ANO6: variants seen among roughly 807,000 people sequenced by gnomAD.
ANO6 encodes anoctamin 6.
A neutral mutation model predicts 117.5 loss-of-function variants in ANO6; 106 were observed. That is an observed-to-expected ratio of 0.90 (90% CI 0.77 to 1.06). ANO6 has a LOEUF of 1.06. Ranked by LOEUF, ANO6 falls within the 50% of genes least tolerant of loss-of-function variation. The pLI is 0.00. For synonymous variants in ANO6, 367 were observed against 385.1 expected (o/e 0.95, Z 0.55); for missense variants, 955 against 1,121.1 (o/e 0.85, Z 2.12).
chr12:45,364,111 A>G (rs1941624661), intron 8 of ANO6, among the ~76,000 whole-genome samples: 1 of 152,202 alleles, frequency 6.6e-6, no homozygotes, highest in African/African-American at 2.4e-5. Context: ...CACTTTGAAT[A>G]TATCATCCCA....
chr12:45,330,751 C>T (rs1940634507), intron 2 of ANO6, among the ~76,000 whole-genome samples: 1 of 152,026 alleles, frequency 6.6e-6, no homozygotes, highest in African/African-American at 2.4e-5. Flanking sequence ...ATGACTAGTG[C>T]AGCTTTTGTT....
At chr12:45,300,156 A>G (rs184038997) in intron 1 of ANO6, among the ~76,000 whole-genome samples, 1 of 152,258 alleles carries the variant, frequency 6.6e-6, no homozygotes, top group East Asian at 1.9e-4. Context: ...GCCGAGATAA[A>G]TCACACACAA....
chr12:45,418,955 G>A (rs1375677931), intron 17 of ANO6, among the ~76,000 whole-genome samples: 3 of 152,174 alleles, frequency 2.0e-5, no homozygotes, highest in Non-Finnish European at 2.9e-5. Flanking sequence ...GTGTGCTTGT[G>A]CAAGCATTAA....
intron 1 of ANO6, chr12:45,256,672 A>G (rs967497459): frequency 1.3e-5 from 2 of 152,210 alleles, no homozygotes; most frequent in Non-Finnish European, 2.9e-5. Context: ...ATTTATTATA[A>G]AGCATATTAA....
chr12:45,355,930 C>G (rs559474000), intron 7 of ANO6, among the ~76,000 whole-genome samples: 1 of 152,174 alleles, frequency 6.6e-6, no homozygotes, highest in South Asian at 2.1e-4. Context: ...TGAAGTCTCA[C>G]GTAGGCCTCA....
intron 3 of ANO6, among the ~76,000 whole-genome samples, chr12:45,336,228 C>A (rs914708649): frequency 1.3e-5 from 2 of 151,902 alleles, no homozygotes; most frequent in African/African-American, 2.4e-5. Flanking sequence ...TTTCTTATAT[C>A]TATTGAGGTG....
At chr12:45,301,372 G>A (rs369294769) in intron 1 of ANO6, among the ~76,000 whole-genome samples, 15 of 152,006 alleles carry the variant, frequency 9.9e-5, no homozygotes, top group East Asian at 9.6e-4. Context: ...CAGGAGAATC[G>A]CTTGAGGCTA....
chr12:45,416,351 A>C lies in ANO6; in HGVS notation c.2012-348A>C, dbSNP rs147239737. Among the ~76,000 whole-genome samples the C allele has an allele frequency of 2.7e-3, 417 of 152,242 alleles. 1 individual carries two copies. The highest frequency in any genetic ancestry group is 5.4e-3 in the Non-Finnish European group (365 of 68,012). On this transcript the variant is annotated intron_variant, in intron 16 of 19. Coordinates refer to ENST00000320560, the MANE Select transcript of ANO6 (RefSeq NM_001025356.3). ...CTTAAAAAAAAAATCCTAAACCACA[A>C]ATCTTCTTTCAACATTCTATTTCAA... is the stretch of plus-strand genomic sequence containing the variant.
At chr12:45,246,490 A>G (rs1282559188) in intron 1 of ANO6, among the ~76,000 whole-genome samples, 2 of 152,216 alleles carry the variant, frequency 1.3e-5, no homozygotes, top group Admixed American at 6.5e-5. Flanking sequence ...GGGCTTTGAA[A>G]GAGAAAGTTT....
At chr12:45,356,593 T>C (rs1437431382) in intron 7 of ANO6, among the ~76,000 whole-genome samples, 1 of 152,206 alleles carries the variant, frequency 6.6e-6, no homozygotes, top group Non-Finnish European at 1.5e-5. Flanking sequence ...TAAGAAAGTA[T>C]ATTTACCATT....
intron 2 of ANO6, among the ~76,000 whole-genome samples, chr12:45,329,760 A>G (rs1015734908): frequency 3.9e-5 from 6 of 152,028 alleles, no homozygotes; most frequent in Admixed American, 1.3e-4. Flanking sequence ...GAAATTATAT[A>G]TATATATTTT....
At chr12:45,266,579 A>G (rs1938222352) in intron 1 of ANO6, among the ~76,000 whole-genome samples, 1 of 152,174 alleles carries the variant, frequency 6.6e-6, no homozygotes, top group East Asian at 1.9e-4. Context: ...TTTAAAAGTC[A>G]CTAATAAAAT....
rs1943406623 is a variant in ANO6 at position 45,423,044 on chromosome 12, T to C, written c.2508T>C (p.Ala836=). 6.2e-7 allele frequency: 1 copy of C among 1,613,062 alleles called. No individual in the cohort carries two copies. Among genetic ancestry groups the C allele is most frequent in the Non-Finnish European group, 8.5e-7 (1 of 1,178,984 alleles). The change falls in exon 19 of 20, where the codon GCT becomes GCC. Residue 836 remains alanine (A), a synonymous_variant. Transcript: ENST00000320560. ...GGCATGTGATTGCAGCCAAGCTGGC[T>C]TTTATCATTGTCATGGAGGTAGGAA... ...YYWHVIAAKL[A]FIIVMEHVIY...
intron 19 of ANO6, among the ~76,000 whole-genome samples, chr12:45,424,958 CAAAA>C (rs966787145): frequency 6.7e-6 from 1 of 150,356 alleles, no homozygotes; most frequent in African/African-American, 2.4e-5. Context: ...AAAAAAAAAA[CAAAA>C]AAACGTGTGA....
intron 2 of ANO6, among the ~76,000 whole-genome samples, chr12:45,308,059 T>TTTTTG (rs1939731440): frequency 7.5e-6 from 1 of 132,802 alleles, no homozygotes; most frequent in Non-Finnish European, 1.6e-5. Context: ...TTTTTTTTTT[T>TTTTTG]TTTTTTTTTT....
exon 20 of ANO6, chr12:45,439,961 CA>C: frequency 4.1e-6 from 6 of 1,457,950 alleles, no homozygotes; most frequent in Non-Finnish European, 3.6e-6. Flanking sequence ...ATTCATTCAA[CA>C]AATATTTGTG....
intron 12 of ANO6, among the ~76,000 whole-genome samples, chr12:45,394,015 T>C (rs533473041): frequency 2.0e-5 from 3 of 152,254 alleles, no homozygotes; most frequent in African/African-American, 7.2e-5. Flanking sequence ...TAAACGTAAA[T>C]GGGCTAAATG....
intron 1 of ANO6, among the ~76,000 whole-genome samples, chr12:45,295,000 A>T (rs1939239687): frequency 6.6e-6 from 1 of 152,168 alleles, no homozygotes; most frequent in Non-Finnish European, 1.5e-5. Flanking sequence ...CTCCACAGTA[A>T]CCTTCTGATG....
intron 17 of ANO6, among the ~76,000 whole-genome samples, chr12:45,417,462 G>T (rs1314046377): frequency 6.6e-6 from 1 of 152,160 alleles, no homozygotes; most frequent in Non-Finnish European, 1.5e-5. Flanking sequence ...CCACCCTTAG[G>T]TCTTTGCTCA....
Sources: gnomAD v4.1 joint callset for allele counts (sites outside exome capture counted in the v4.1 genomes callset) on GRCh38, gnomAD v4.1.1 for gene constraint, MANE v1.5 for transcripts, NCBI Gene and HGNC (gene_info 2026-07-23, HGNC 2026-07-21) for gene names.